The following PLEKHA1 variants were observed in gnomAD, a reference collection of about 807,000 sequenced individuals.
PLEKHA1 encodes pleckstrin homology domain containing A1.
Under a neutral mutation model 52.0 loss-of-function variants are expected in PLEKHA1, and 34 were observed. The ratio of observed to expected loss-of-function variants is 0.65; its 90% confidence interval spans 0.50 to 0.87. The LOEUF (loss-of-function observed/expected upper bound fraction) is 0.87. Among genes scored for constraint, PLEKHA1 ranks in the 40% least tolerant of loss-of-function variants. PLEKHA1 has a pLI of 0.00. For missense variants in PLEKHA1, 497 were observed against 504.2 expected (o/e 0.99, Z 0.14); for synonymous variants, 163 against 170.7 (o/e 0.95, Z 0.35).
At chr10:122,404,691 C>T (rs2096981408) in intron 4 of PLEKHA1, among the ~76,000 whole-genome samples, 1 of 152,214 alleles carries the variant, frequency 6.6e-6, no homozygotes, top group Admixed American at 6.5e-5. Context: ...TTTCCAGTCT[C>T]TAGAAAGATG....
chr10:122,384,966 A>AT (rs1211425677), intron 1 of PLEKHA1, among the ~76,000 whole-genome samples: 4 of 151,694 alleles, frequency 2.6e-5, no homozygotes, highest in Non-Finnish European at 2.9e-5. Context: ...CAAAAAAAGA[A>AT]TTTTTTTTTA....
At chr10:122,390,245 G>A (rs1326019376) in intron 1 of PLEKHA1, among the ~76,000 whole-genome samples, 2 of 152,180 alleles carry the variant, frequency 1.3e-5, no homozygotes, top group Non-Finnish European at 2.9e-5. Context: ...GACTTAAGGG[G>A]AATACTGTAG....
the PLEKHA1 span, chr10:122,441,830 C>CGTTGAGT: frequency 3.3e-5 from 5 of 152,256 alleles, no homozygotes; most frequent in African/African-American, 1.2e-4. Context: ...AAAAGGAAAA[C>CGTTGAGT]GTTGAGTTCT....
chr10:122,406,473 G>A (rs2097016920), intron 4 of PLEKHA1, 103 bp from the exon 5 acceptor site: 2 of 845,392 alleles, frequency 2.4e-6, no homozygotes, highest in South Asian at 1.4e-5. Context: ...TCAAATCCAC[G>A]AGAGTCACGG....
chr10:122,400,284 A>G (rs2096909412), intron 3 of PLEKHA1, 59 bp from the exon 4 acceptor site: 7 of 1,372,406 alleles, frequency 5.1e-6, no homozygotes, highest in Non-Finnish European at 6.1e-6. Context: ...CATAGTATAT[A>G]AGGTTGGTTT....
At chr10:122,395,657 C>A (rs1445164332) in intron 2 of PLEKHA1, among the ~76,000 whole-genome samples, 1 of 152,028 alleles carries the variant, frequency 6.6e-6, no homozygotes, top group Non-Finnish European at 1.5e-5. Context: ...CATGGTTATA[C>A]TGATCATAAT....
chr10:122,384,536 G>C (rs374062069), intron 1 of PLEKHA1, among the ~76,000 whole-genome samples: 6 of 151,212 alleles, frequency 4.0e-5, no homozygotes, highest in African/African-American at 1.5e-4. Context: ...TGAACCCCAG[G>C]GGGCAGAGCC....
intron 1 of PLEKHA1, among the ~76,000 whole-genome samples, chr10:122,375,656 T>C (rs2096522967): frequency 6.6e-6 from 1 of 152,154 alleles, no homozygotes; most frequent in African/African-American, 2.4e-5. Context: ...CCGCCTTTGG[T>C]AGAATTCTGG....
chr10:122,404,279 A>T (rs2096973891), intron 4 of PLEKHA1, among the ~76,000 whole-genome samples: 2 of 152,142 alleles, frequency 1.3e-5, no homozygotes, highest in Admixed American at 1.3e-4. Flanking sequence ...ACGTCTTGCC[A>T]TGAAGTAATT....
chr10:122,398,414 C>G (rs540304431), intron 3 of PLEKHA1, among the ~76,000 whole-genome samples: 1 of 151,696 alleles, frequency 6.6e-6, no homozygotes, highest in Admixed American at 6.6e-5. Context: ...TGATTTTCCC[C>G]CTCTTTTCAC....
intron 10 of PLEKHA1, chr10:122,425,713 C>CAAAAAAAA (rs11367637): frequency 1.0e-5 from 1 of 99,306 alleles, no homozygotes; most frequent in Non-Finnish European, 2.0e-5. Context: ...GACCCTGTCT[C>CAAAAAAAA]AAAAAAAAAA....
At chr10:122,436,415 TAGTA>T (rs2097437752), downstream of PLEKHA1, 3 of 152,216 alleles carry the variant, frequency 2.0e-5, no homozygotes, top group Non-Finnish European at 4.4e-5. Flanking sequence ...CCAGAATAAA[TAGTA>T]AGTAACAGAT....
chr10:122,434,837 C>T (rs1314310788), downstream of PLEKHA1: 1 of 145,904 alleles, frequency 6.9e-6, no homozygotes, highest in Non-Finnish European at 1.5e-5. Context: ...TTTGTCCTTG[C>T]GATAGTTTAC....
intron 1 of PLEKHA1, among the ~76,000 whole-genome samples, chr10:122,375,727 C>T (rs1354646948): frequency 6.6e-6 from 1 of 152,162 alleles, no homozygotes; most frequent in East Asian, 1.9e-4. Context: ...AATGAAACTC[C>T]TTTGCTCTCT....
intron 1 of PLEKHA1, among the ~76,000 whole-genome samples, chr10:122,392,659 C>CT: frequency 6.6e-6 from 1 of 152,222 alleles, no homozygotes; most frequent in South Asian, 2.1e-4. Context: ...ATCACTTCCC[C>CT]TGTGTATTAA....
chr10:122,430,094 G>A lies in PLEKHA1; in HGVS notation c.*156G>A. ...ATAAGCTGGTAAACCAAGAATCTAG[G>A]GAGTGGCCAAACTAAATATAATTTC... On this transcript the variant is annotated 3_prime_UTR_variant, in exon 12 of 12. Coordinates refer to ENST00000368990, the MANE Select transcript of PLEKHA1 (RefSeq NM_001001974.4). The A allele has an allele frequency of 1.3e-6, 1 of 780,296 alleles. No individual in the cohort carries two copies. Among genetic ancestry groups the A allele is most frequent in the Non-Finnish European group, 1.9e-6 (1 of 533,086 alleles). The allele number at this position is 780,296 out of a possible 1,614,324, so 48.3% of individuals were successfully genotyped here.
Position 122,386,811 on chromosome 10 carries a change from A to G in PLEKHA1, c.-20-6370A>G, listed in dbSNP as rs534592154. On this transcript the variant is annotated intron_variant, in intron 1 of 11. Coordinates refer to ENST00000368990, the MANE Select transcript of PLEKHA1 (RefSeq NM_001001974.4). ...TTATTTTTTTCCTTAAGGGATTGGT[A>G]GAATTCACATATGAACTATTTCTAG... 4 of 152,350 alleles carry G rather than the reference A, an allele frequency of 2.6e-5. No individual in the cohort carries two copies. In the East Asian group the frequency reaches 5.8e-4, roughly 22 times the overall value. The allele number at this position is 152,350 out of a possible 1,614,324, so 9.4% of individuals were successfully genotyped here. A position where few individuals can be genotyped will look rare whatever the true frequency, so the allele number is the denominator to read the frequency against.
rs2097408029 is a variant in PLEKHA1, at chr10:122,430,620, C to CTT, written c.*682_*683insTT. 5 of 152,300 alleles carry CTT rather than the reference C, an allele frequency of 3.3e-5. No homozygotes were observed. In the South Asian group the frequency reaches 1.0e-3, roughly 32 times the overall value. The allele number at this position is 152,300 out of a possible 1,614,324, so 9.4% of individuals were successfully genotyped here. On this transcript the variant is annotated 3_prime_UTR_variant, in exon 12 of 12. Transcript: ENST00000368990. Reference sequence around the variant, plus strand: ...ATTTGTTTGAAAAAGCTTCATCAGGCCTTGGAGCAGTCACTGCTTTATTCC... The same window carrying CTT: ...ATTTGTTTGAAAAAGCTTCATCAGGCTTCTTGGAGCAGTCACTGCTTTATTCC...
At chr10:122,418,334 TACAC>T (rs995684140) in intron 8 of PLEKHA1, 2 of 177,782 alleles carry the variant, frequency 1.1e-5, no homozygotes, top group Admixed American at 1.2e-4. Flanking sequence ...AATGGTCACA[TACAC>T]AGTGATTTAT....
Sources: gnomAD v4.1 joint callset for allele counts (sites outside exome capture counted in the v4.1 genomes callset) on GRCh38, gnomAD v4.1.1 for gene constraint, MANE v1.5 for transcripts, NCBI Gene and HGNC (gene_info 2026-07-23, HGNC 2026-07-21) for gene names.